Variants in CDC37L1 observed in about 807,000 individuals in gnomAD.
CDC37L1 encodes the protein hsp90 co-chaperone Cdc37-like 1.
In CDC37L1, 32 loss-of-function variants were observed where a neutral mutation model predicts 45.9. That is an observed-to-expected ratio of 0.70 (90% CI 0.53 to 0.94). The LOEUF is 0.94. CDC37L1 is among the 40% of genes least tolerant of loss of function. The pLI is 0.00. For missense variants in CDC37L1, 434 were observed against 405.7 expected (o/e 1.07, Z -0.60); for synonymous variants, 150 against 133.0 (o/e 1.13, Z -0.88).
rs570877298 is a variant in CDC37L1 at position 4,685,581 on chromosome 9, A to G, written c.414+423A>G. ...TATAAATGAAGAAACTAAGTGGAAA[A>G]ATAAGTAGAGTGACTTGATAACTTA... On this transcript the variant is annotated intron_variant, in intron 2 of 6. Coordinates refer to ENST00000381854, the MANE Select transcript of CDC37L1 (RefSeq NM_017913.4). The G allele has an allele frequency of 8.3e-4, 133 of 159,568 alleles. 1 individual carries two copies. The Middle Eastern group carries it at 0.04, about 48-fold the overall frequency. 9.9% of individuals were successfully genotyped at this position (159,568 alleles called of 1,614,324 possible).
In CDC37L1 at chr9:4,679,733, G is replaced by A. The variant is rs41298190; in HGVS notation, c.-35G>A. The A allele has an allele frequency of 5.8e-3, 9,202 of 1,595,708 alleles. 41 individuals are homozygous for A. Among genetic ancestry groups the A allele is most frequent in the Non-Finnish European group, 6.6e-3 (7,752 of 1,169,520 alleles). ...GTCTGTTGGCAGTGGCAGTTGTAGGGCCAAGGGCGGTTGTAGGACCCGGAG... is the reference window on the plus strand; with the variant it reads ...GTCTGTTGGCAGTGGCAGTTGTAGGACCAAGGGCGGTTGTAGGACCCGGAG... On this transcript the variant is annotated 5_prime_UTR_variant, in exon 1 of 7. Coordinates refer to ENST00000381854, the MANE Select transcript of CDC37L1 (RefSeq NM_017913.4).
At chr9:4,682,101 C>G (rs1423321585) in intron 1 of CDC37L1, among the ~76,000 whole-genome samples, 1 of 151,162 alleles carries the variant, frequency 6.6e-6, no homozygotes, top group Non-Finnish European at 1.5e-5. Flanking sequence ...TTTGAAAATG[C>G]AAGATAATTT....
chr9:4,679,660 C>G lies in CDC37L1; in HGVS notation c.-108C>G. ...GAGGGATTCTGGGTAACGGCCCGGA[C>G]CCCCGGCTGGGCTTCTGGCTCGGCG... is the stretch of plus-strand genomic sequence containing the variant. On this transcript the variant is annotated 5_prime_UTR_variant, in exon 1 of 7. Coordinates refer to ENST00000381854, the MANE Select transcript of CDC37L1 (RefSeq NM_017913.4). 3 of 1,060,138 alleles carry G rather than the reference C, an allele frequency of 2.8e-6. No homozygotes were observed. The highest frequency in any genetic ancestry group is 4.0e-6 in the Non-Finnish European group (3 of 755,328). 65.7% of individuals were successfully genotyped at this position (1,060,138 alleles called of 1,614,324 possible).
intron 3 of CDC37L1, 72 bp from the exon 4 acceptor site, chr9:4,697,024 T>A: frequency 1.4e-6 from 1 of 696,830 alleles, no homozygotes; most frequent in Non-Finnish European, 2.6e-6. Context: ...GAATTAAGAA[T>A]GGTTGGTATT....
intron 2 of CDC37L1, among the ~76,000 whole-genome samples, chr9:4,687,874 A>G (rs1472359611): frequency 2.0e-5 from 3 of 152,204 alleles, no homozygotes; most frequent in Admixed American, 1.3e-4. Context: ...CAAGTAAACT[A>G]TGCATATAAA....
chr9:4,680,557 G>A (rs1294687469), intron 1 of CDC37L1, among the ~76,000 whole-genome samples: 1 of 152,056 alleles, frequency 6.6e-6, no homozygotes, highest in East Asian at 1.9e-4. Context: ...TAGGTTCCTG[G>A]TATTGTGTTT....
At chr9:4,692,959 A>G (rs945815451) in intron 3 of CDC37L1, among the ~76,000 whole-genome samples, 2 of 152,146 alleles carry the variant, frequency 1.3e-5, no homozygotes, top group Non-Finnish European at 2.9e-5. Flanking sequence ...GTTTGGTTTC[A>G]AGTAAGATGG....
At position 4,682,329 on chromosome 9, in the gene CDC37L1, A is replaced by ATTTTTTTTTTTTTTTTTTTTT. The variant is rs1313029477; in HGVS notation, c.132+2445_132+2446insTTTTTTTTTTTTTTTTTTTTT. ...AGGTGCCCACCACTGTGCCCAGCTA[A>ATTTTTTTTTTTTTTTTTTTTT]TTTTTTTTTTTTTTTGAGATGGAGT... On this transcript the variant is annotated intron_variant, in intron 1 of 6. Coordinates refer to ENST00000381854, the MANE Select transcript of CDC37L1 (RefSeq NM_017913.4). 8.6e-5 allele frequency among the ~76,000 whole-genome samples: 8 copies of ATTTTTTTTTTTTTTTTTTTTT among 92,842 alleles called. 1 individual carries two copies. The highest frequency in any genetic ancestry group is 4.8e-4 in the African/African-American group (8 of 16,554). The allele number at this position is 92,842 out of a possible 152,430, so 60.9% of individuals were successfully genotyped here.
chr9:4,700,885 G>A (rs1302814711), intron 5 of CDC37L1, among the ~76,000 whole-genome samples: 2 of 152,152 alleles, frequency 1.3e-5, no homozygotes, highest in African/African-American at 4.8e-5. Context: ...CCTTAAGCAT[G>A]CAATGAGGAC....
At chr9:4,698,615 T>A (rs1173451598) in intron 5 of CDC37L1, among the ~76,000 whole-genome samples, 1 of 152,016 alleles carries the variant, frequency 6.6e-6, no homozygotes, top group Admixed American at 6.6e-5. Flanking sequence ...AAAAATTTCC[T>A]AGTAAAGTTG....
intron 6 of CDC37L1, chr9:4,703,210 T>C (rs544371548): frequency 3.3e-6 from 4 of 1,211,604 alleles, no homozygotes; most frequent in Non-Finnish European, 3.2e-6. Flanking sequence ...CATAAAGTGC[T>C]AAAAATTGGG....
intron 1 of CDC37L1, among the ~76,000 whole-genome samples, chr9:4,682,020 T>G (rs1344926065): frequency 6.6e-6 from 1 of 152,204 alleles, no homozygotes; most frequent in Admixed American, 6.5e-5. Flanking sequence ...CTGGGTAGTT[T>G]GTGGAGAAAT....
Position 4,697,756 on chromosome 9 carries a change from GA to G in CDC37L1, c.627del (p.Ala211LeufsTer2). 6.9e-7 allele frequency: 1 copy of G among 1,440,862 alleles called. No homozygotes were observed. Among genetic ancestry groups the G allele is most frequent in the Non-Finnish European group, 9.7e-7 (1 of 1,032,940 alleles). 89.3% of individuals were successfully genotyped at this position (1,440,862 alleles called of 1,614,324 possible). On this transcript the variant is annotated frameshift_variant and splice_region_variant, in exon 5 of 7. Transcript: ENST00000381854. LOFTEE classifies it high-confidence loss of function. ...TCTTATATCATTTAAATCTTTTTCA[GA>G]AAGGGGCTTTAATGGAACAAATAGC... ...LWCFHLEAEK[K>X]GALMEQIAHQ... is the part of the protein sequence containing the mutation.
Position 4,706,105 on chromosome 9 carries a change from C to T in CDC37L1, c.1007C>T (p.Thr336Ile). ...GATGATGAACCCAAAATGATGGACA[C>T]TGTATAATTTGGTTAAGACTGCTGA... ...KEDDEPKMMD[T>I]V The change falls in exon 7 of 7, where the codon ACT becomes ATT. Residue 336 changes from threonine (T) to isoleucine (I), a missense_variant. Thr to Ile is a moderately conservative substitution (Grantham distance 89, BLOSUM62 -1). Transcript: ENST00000381854. 1 of 1,561,032 alleles carries T rather than the reference C, an allele frequency of 6.4e-7. No homozygotes were observed. Among genetic ancestry groups the T allele is most frequent in the Non-Finnish European group, 8.8e-7 (1 of 1,132,136 alleles).
In CDC37L1 at chr9:4,705,951, A is replaced by C. The variant is rs547596756; in HGVS notation, c.913-60A>C. 1.8e-5 allele frequency: 14 copies of C among 795,820 alleles called. No homozygotes were observed. The East Asian group carries it at 3.5e-4, about 20-fold the overall frequency. 49.3% of individuals were successfully genotyped at this position (795,820 alleles called of 1,614,324 possible). A position where few individuals can be genotyped will look rare whatever the true frequency, so the allele number is the denominator to read the frequency against. ...ACTGAATATATATGTATGTACTGTC[A>C]TAAAACTGGTTATAATGCGTTCTTT... On this transcript the variant is annotated intron_variant, in intron 6 of 6. Coordinates refer to ENST00000381854, the MANE Select transcript of CDC37L1 (RefSeq NM_017913.4).
At chr9:4,688,416 A>G in intron 2 of CDC37L1, 97 bp from the exon 3 acceptor site, 3 of 669,562 alleles carry the variant, frequency 4.5e-6, no homozygotes, top group Non-Finnish European at 7.2e-6. Context: ...TACCACATAT[A>G]TTGTCTATAG....
intron 3 of CDC37L1, 91 bp downstream of exon 3, chr9:4,688,697 G>T: frequency 1.2e-6 from 1 of 811,256 alleles, no homozygotes; most frequent in Non-Finnish European, 1.8e-6. Flanking sequence ...GAGCCAAAAA[G>T]AAAAGTGGCA....
Position 4,685,030 on chromosome 9 carries a change from G to A in CDC37L1, c.286G>A (p.Ala96Thr). The change falls in exon 2 of 7, where the codon GCA (alanine) becomes ACA (threonine). Residue 96 changes from alanine (A) to threonine (T), a missense_variant. Transcript: ENST00000381854. The stretch of plus-strand genomic sequence containing the variant: ...GTCCTTGGATCAGGAGCATGCCAAA[G>A]CACAAACAGCAGTATCAGAACTGAG... ...SESLDQEHAKAQTAVSELRQR... is the reference protein window; with the variant it reads ...SESLDQEHAKTQTAVSELRQR... The A allele has an allele frequency of 3.7e-6, 6 of 1,614,140 alleles. No homozygotes were observed. Among genetic ancestry groups the A allele is most frequent in the Non-Finnish European group, 5.1e-6 (6 of 1,180,004 alleles).
At position 4,697,858 on chromosome 9, in the gene CDC37L1, T is replaced by G; in HGVS notation, c.726T>G (p.Arg242=). 1 of 1,613,360 alleles carries G rather than the reference T, an allele frequency of 6.2e-7. No individual in the cohort carries two copies. The highest frequency in any genetic ancestry group is 8.5e-7 in the Non-Finnish European group (1 of 1,179,590). ...ATGTGGATCCAAGAGGGTGTTTTCG[T>G]TTATTTTTCCAGAAAGCCAAAGTAA... ...NCNVDPRGCF[R]LFFQKAKAEE... Residue 242 remains arginine, a synonymous_variant, in exon 5 of 7, where the codon CGT becomes CGG. Coordinates refer to ENST00000381854, the MANE Select transcript of CDC37L1 (RefSeq NM_017913.4).
Sources: allele counts gnomAD v4.1 joint callset (sites outside exome capture counted in the v4.1 genomes callset), GRCh38; gene constraint gnomAD v4.1.1; transcripts MANE v1.5; gene names NCBI Gene and HGNC (gene_info 2026-07-23, HGNC 2026-07-21).